The following REV3L variants were observed in gnomAD, a reference collection of about 807,000 sequenced individuals.
REV3L encodes the protein REV3 like, DNA directed polymerase zeta catalytic subunit, also known as DNA polymerase zeta catalytic subunit.
In REV3L, 69 loss-of-function variants were observed where a neutral mutation model predicts 299.4. That is an observed-to-expected ratio of 0.23 (90% CI 0.19 to 0.28). The LOEUF is 0.28. REV3L is among the 10% of genes least tolerant of loss of function. The pLI, the probability that REV3L is intolerant of heterozygous loss-of-function variation, is 1.00. For missense variants in REV3L, 3,128 were observed against 3,693.8 expected (o/e 0.85, Z 3.97); for synonymous variants, 1,238 against 1,271.4 (o/e 0.97, Z 0.56).
chr6:111,332,433 A>G (rs1051187035), intron 23 of REV3L, among the ~76,000 whole-genome samples: 4 of 152,320 alleles, frequency 2.6e-5, no homozygotes, highest in African/African-American at 9.6e-5. Context: ...GAATATATTT[A>G]AAGAATAATT....
intron 4 of REV3L, among the ~76,000 whole-genome samples, chr6:111,397,671 T>C (rs1562251344): frequency 6.6e-6 from 1 of 152,080 alleles, no homozygotes; most frequent in Non-Finnish European, 1.5e-5. Context: ...AGTGTCTTGT[T>C]CTGTCACCAG....
At chr6:111,414,461 T>C (rs1313984994) in intron 2 of REV3L, among the ~76,000 whole-genome samples, 1 of 152,136 alleles carries the variant, frequency 6.6e-6, no homozygotes, top group Non-Finnish European at 1.5e-5. Context: ...GTTTAAATTG[T>C]ATTCTATTAA....
chr6:111,473,521 C>T (rs1562368739), intron 1 of REV3L, among the ~76,000 whole-genome samples: 1 of 148,004 alleles, frequency 6.8e-6, no homozygotes, highest in Non-Finnish European at 1.5e-5. Context: ...CCCTAAACTC[C>T]TTTTGCTATA....
chr6:111,428,892 G>A (rs1015507103), intron 1 of REV3L, among the ~76,000 whole-genome samples: 9 of 152,094 alleles, frequency 5.9e-5, no homozygotes, highest in South Asian at 4.1e-4. Context: ...ATAAAGGTAA[G>A]ACAACACCAA....
At chr6:111,424,363 A>G (rs1407613707) in intron 1 of REV3L, among the ~76,000 whole-genome samples, 8 of 152,214 alleles carry the variant, frequency 5.3e-5, no homozygotes, top group Non-Finnish European at 8.8e-5. Flanking sequence ...AAAATTGCTG[A>G]GTAAGGACCT....
intron 1 of REV3L, among the ~76,000 whole-genome samples, chr6:111,433,257 TG>T (rs1787157794): frequency 1.3e-5 from 2 of 152,208 alleles, no homozygotes; most frequent in East Asian, 1.9e-4. Context: ...AATGAAAGGT[TG>T]TTTTTTTTAA....
chr6:111,465,840 T>C (rs558460701), intron 1 of REV3L, among the ~76,000 whole-genome samples: 7 of 149,604 alleles, frequency 4.7e-5, no homozygotes, highest in Admixed American at 1.3e-4. Flanking sequence ...TGAAAAACGA[T>C]TTATACAATA....
intron 14 of REV3L, among the ~76,000 whole-genome samples, chr6:111,366,154 C>G (rs1231663307): frequency 6.6e-6 from 1 of 151,950 alleles, no homozygotes; most frequent in Non-Finnish European, 1.5e-5. Context: ...TGAAAGAAGG[C>G]CAGATGGGTT....
rs75177840 is a variant in REV3L, at chr6:111,402,359, G to A, written c.565+3111C>T. Among the ~76,000 whole-genome samples, 1,268 of 152,238 alleles carry A rather than the reference G, an allele frequency of 8.3e-3. 6 individuals are homozygous for A. The highest frequency in any genetic ancestry group is 0.014 in the Non-Finnish European group (946 of 68,010). Reference sequence around the variant, plus strand: ...TTGAGGCCCTACCTTAACCTGCGGAGGGCTCCCACCTGCTGGGCAGGACCC... The same window carrying A: ...TTGAGGCCCTACCTTAACCTGCGGAAGGCTCCCACCTGCTGGGCAGGACCC... On this transcript the variant is annotated intron_variant, in intron 4 of 31. Transcript: ENST00000368802.
Position 111,375,904 on chromosome 6 carries a change from G to C in REV3L, c.2451C>G (p.Val817=). Residue 817 remains valine, a synonymous_variant, in exon 13 of 32, where the codon GTC becomes GTG. Coordinates refer to ENST00000368802, the MANE Select transcript of REV3L (RefSeq NM_001372078.1). ...TATTGCCAGGTTGTAATTTATATGT[G>C]ACAGGAGATAGTTTCTGTGGTCTAG... The part of the protein sequence containing the change: ...CLTRPQKLSP[V]TYKLQPGNKP... 2.5e-6 allele frequency: 4 copies of C among 1,613,974 alleles called. No homozygotes were observed. The highest frequency in any genetic ancestry group is 3.4e-6 in the Non-Finnish European group (4 of 1,179,908).
intron 17 of REV3L, among the ~76,000 whole-genome samples, chr6:111,358,276 T>C (rs1778299952): frequency 1.3e-5 from 2 of 152,138 alleles, no homozygotes; most frequent in African/African-American, 4.8e-5. Context: ...AGATAAACCC[T>C]CTATCAGCAG....
intron 1 of REV3L, among the ~76,000 whole-genome samples, chr6:111,474,338 T>TCC (rs1792641025): frequency 6.6e-6 from 1 of 152,202 alleles, no homozygotes; most frequent in African/African-American, 2.4e-5. Context: ...AGAGACACCC[T>TCC]CCCTGCTTCC....
At chr6:111,328,400 CTAATT>C (rs1775055394) in intron 25 of REV3L, among the ~76,000 whole-genome samples, 2 of 152,148 alleles carry the variant, frequency 1.3e-5, no homozygotes, top group Non-Finnish European at 2.9e-5. Context: ...CCACACCTGG[CTAATT>C]GTGACATTTG....
chr6:111,362,049 A>G (rs1466695787), intron 16 of REV3L, among the ~76,000 whole-genome samples: 2 of 152,180 alleles, frequency 1.3e-5, no homozygotes, highest in Non-Finnish European at 1.5e-5. Context: ...TCTTTTTGCT[A>G]TGGTCTATCA....
chr6:111,442,779 T>C (rs183914165), intron 1 of REV3L, among the ~76,000 whole-genome samples: 55 of 152,342 alleles, frequency 3.6e-4, no homozygotes, highest in African/African-American at 1.3e-3. Flanking sequence ...TTTAAGTAGT[T>C]GTTCTTATGA....
chr6:111,305,013 C>G lies in REV3L; in HGVS notation c.9252+2348G>C, dbSNP rs943869099. The stretch of plus-strand genomic sequence containing the variant: ...CTGGAGTGCAATGCTGCAATCTCAG[C>G]TCACTGCAACCTCTGCCTCCCAGGT... On this transcript the variant is annotated intron_variant, in intron 31 of 31. Transcript: ENST00000368802. Among the ~76,000 whole-genome samples the G allele has an allele frequency of 2.6e-5, 4 of 151,486 alleles. No homozygotes were observed. In the East Asian group the frequency reaches 7.8e-4, roughly 29 times the overall value.
chr6:111,408,005 A>G (rs1783826457), intron 3 of REV3L, among the ~76,000 whole-genome samples: 1 of 152,120 alleles, frequency 6.6e-6, no homozygotes, highest in Admixed American at 6.5e-5. Flanking sequence ...TTTCAAGGAG[A>G]ATGGCTAAAT....
chr6:111,303,661 C>A (rs1394795365), intron 31 of REV3L, among the ~76,000 whole-genome samples: 1 of 135,050 alleles, frequency 7.4e-6, no homozygotes, highest in Non-Finnish European at 1.6e-5. Context: ...GCCATGATCC[C>A]CAGCCGAGGC....
intron 14 of REV3L, among the ~76,000 whole-genome samples, chr6:111,366,356 C>T (rs941333280): frequency 3.3e-5 from 5 of 151,910 alleles, no homozygotes; most frequent in African/African-American, 7.3e-5. Flanking sequence ...TATAAATTTG[C>T]GAGTTATCTG....
Sources: gnomAD v4.1 joint callset for allele counts (sites outside exome capture counted in the v4.1 genomes callset) on GRCh38, gnomAD v4.1.1 for gene constraint, MANE v1.5 for transcripts, NCBI Gene and HGNC (gene_info 2026-07-23, HGNC 2026-07-21) for gene names.